Variants in PIP4K2A observed in about 807,000 individuals in gnomAD.
PIP4K2A encodes phosphatidylinositol 5-phosphate 4-kinase type-2 alpha.
Under a neutral mutation model 42.9 loss-of-function variants are expected in PIP4K2A, and 14 were observed. The ratio of observed to expected loss-of-function variants is 0.33; its 90% CI spans 0.22 to 0.51. PIP4K2A has a LOEUF of 0.51. PIP4K2A is among the 20% of genes least tolerant of loss of function. The pLI is 0.97. For synonymous variants in PIP4K2A, 192 were observed against 192.2 expected (o/e 1.00, Z 0.01); for missense variants, 434 against 519.8 (o/e 0.83, Z 1.61).
In PIP4K2A at chr10:22,583,359, A is replaced by C. The variant is rs80179518; in HGVS notation, c.492+8270T>G. Among the ~76,000 whole-genome samples, 518 of 152,256 alleles carry C rather than the reference A, an allele frequency of 3.4e-3. 6 individuals are homozygous for C. The highest frequency in any genetic ancestry group is 0.012 in the African/African-American group (482 of 41,542). On this transcript the variant is annotated intron_variant, in intron 4 of 9. Transcript: ENST00000376573. ...TTCCAGAATGGCCCCTGTACCCCAC[A>C]CACAATGGGGAGCTGGGGCCTGAGT...
intron 7 of PIP4K2A, among the ~76,000 whole-genome samples, chr10:22,547,066 A>G (rs1254260526): frequency 6.6e-6 from 1 of 152,160 alleles, no homozygotes; most frequent in East Asian, 1.9e-4. Flanking sequence ...GCTGTGACAA[A>G]TCTTTGAGCT....
chr10:22,632,427 G>C (rs1388076218), intron 1 of PIP4K2A, among the ~76,000 whole-genome samples: 1 of 152,156 alleles, frequency 6.6e-6, no homozygotes, highest in African/African-American at 2.4e-5. Flanking sequence ...GGTATTTTTA[G>C]TATAGTATGT....
chr10:22,554,237 T>G (rs1372358109), intron 6 of PIP4K2A, among the ~76,000 whole-genome samples: 1 of 152,192 alleles, frequency 6.6e-6, no homozygotes, highest in African/African-American at 2.4e-5. Context: ...TAAAAGAAAT[T>G]TCAATATATC....
At chr10:22,617,424 A>C (rs923496080) in intron 1 of PIP4K2A, among the ~76,000 whole-genome samples, 1 of 152,386 alleles carries the variant, frequency 6.6e-6, no homozygotes, top group Non-Finnish European at 1.5e-5. Flanking sequence ...TTTTAAGTCA[A>C]GCAAAGAATA....
At position 22,586,677 on chromosome 10, in the gene PIP4K2A, C is replaced by T. The variant is rs556820008; in HGVS notation, c.492+4952G>A. On this transcript the variant is annotated intron_variant, in intron 4 of 9. Transcript: ENST00000376573. ...TCCCGAGTAGCTGGGACTACAGGCA[C>T]GTGCCATCATGCCTGGCTAATTTTT... Among the ~76,000 whole-genome samples the T allele has an allele frequency of 2.0e-4, 30 of 152,162 alleles. 1 individual carries two copies. Among genetic ancestry groups the T allele is most frequent in the African/African-American group, 6.5e-4 (27 of 41,518 alleles).
At chr10:22,622,713 G>C (rs1838357958) in intron 1 of PIP4K2A, among the ~76,000 whole-genome samples, 1 of 152,174 alleles carries the variant, frequency 6.6e-6, no homozygotes, top group Non-Finnish European at 1.5e-5. Context: ...TCTAAAACCT[G>C]ACTGGAGAGC....
chr10:22,564,481 C>T (rs1054901326), intron 6 of PIP4K2A, among the ~76,000 whole-genome samples: 28 of 152,310 alleles, frequency 1.8e-4, no homozygotes, highest in African/African-American at 5.5e-4. Context: ...GCCTGTCGTA[C>T]GATGCTGAAG....
chr10:22,586,487 G>T (rs770892116), intron 4 of PIP4K2A, among the ~76,000 whole-genome samples: 4 of 152,180 alleles, frequency 2.6e-5, no homozygotes, highest in Admixed American at 6.5e-5. Context: ...TTAAATACAA[G>T]AACGATATTT....
At chr10:22,576,126 G>A (rs930626676) in intron 4 of PIP4K2A, among the ~76,000 whole-genome samples, 1 of 152,112 alleles carries the variant, frequency 6.6e-6, no homozygotes, top group Non-Finnish European at 1.5e-5. Context: ...CTGCCAAGCT[G>A]CAGGTGATAT....
chr10:22,571,351 T>C (rs1451412227), intron 5 of PIP4K2A, among the ~76,000 whole-genome samples: 1 of 152,204 alleles, frequency 6.6e-6, no homozygotes, highest in Non-Finnish European at 1.5e-5. Flanking sequence ...TGGCCAGTGA[T>C]AAAATTTGAG....
intron 7 of PIP4K2A, among the ~76,000 whole-genome samples, chr10:22,542,312 T>TGGCTGGATTTTACCAGATAGCAA (rs6143823): frequency 0.68 from 103,326 of 151,652 alleles, 35,759 homozygotes; most frequent in African/African-American, 0.79. Flanking sequence ...TATCACAGGG[T>TGGCTGGATTTTACCAGATAGCAA]GGCTGGATTT....
At chr10:22,696,968 T>C (rs1839984342) in intron 1 of PIP4K2A, among the ~76,000 whole-genome samples, 1 of 152,284 alleles carries the variant, frequency 6.6e-6, no homozygotes, top group South Asian at 2.1e-4. Context: ...CTCCTGAAAA[T>C]TGGCAACTGT....
rs1020983877 is a variant in PIP4K2A at position 22,535,215 on chromosome 10, G to A, written c.*1986C>T. The A allele has an allele frequency of 1.3e-5, 2 of 152,112 alleles. No homozygotes were observed. Among genetic ancestry groups the A allele is most frequent in the Admixed American group, 6.5e-5 (1 of 15,276 alleles). 9.4% of individuals were successfully genotyped at this position (152,112 alleles called of 1,614,324 possible). On this transcript the variant is annotated 3_prime_UTR_variant, in exon 10 of 10. Coordinates refer to ENST00000376573, the MANE Select transcript of PIP4K2A (RefSeq NM_005028.5). ...TATGTGTACCTTATCTTTACTTCAG[G>A]GTCTCATGGTTGTGGTCTTGGGTCA...
chr10:22,675,579 G>A (rs905778705), intron 1 of PIP4K2A, among the ~76,000 whole-genome samples: 20 of 152,208 alleles, frequency 1.3e-4, no homozygotes, highest in African/African-American at 4.3e-4. Flanking sequence ...AACAGAGTGA[G>A]ACTCCGTCTC....
Position 22,615,463 on chromosome 10 carries a change from T to C in PIP4K2A, c.145-5746A>G, listed in dbSNP as rs570114151. On this transcript the variant is annotated intron_variant, in intron 1 of 9. Coordinates refer to ENST00000376573, the MANE Select transcript of PIP4K2A (RefSeq NM_005028.5). ...ATATTGGGAACACGCACACATATAGTTCTATCTATATGTTACATAATGTTC... is the reference window on the plus strand; with the variant it reads ...ATATTGGGAACACGCACACATATAGCTCTATCTATATGTTACATAATGTTC... 5.2e-4 allele frequency among the ~76,000 whole-genome samples: 79 copies of C among 152,324 alleles called. No homozygotes were observed. The South Asian group carries it at 8.1e-3, about 16-fold the overall frequency.
At chr10:22,626,302 A>G (rs952939806) in intron 1 of PIP4K2A, among the ~76,000 whole-genome samples, 11 of 152,332 alleles carry the variant, frequency 7.2e-5, no homozygotes, top group African/African-American at 2.6e-4. Flanking sequence ...CTTTTCTCAT[A>G]TACTGAATTA....
At chr10:22,684,451 C>A (rs1839722041) in intron 1 of PIP4K2A, among the ~76,000 whole-genome samples, 1 of 152,116 alleles carries the variant, frequency 6.6e-6, no homozygotes, top group Non-Finnish European at 1.5e-5. Context: ...TGTGTTTTAT[C>A]ATTATTCTTT....
At position 22,540,107 on chromosome 10, in the gene PIP4K2A, A is replaced by G. The variant is rs1366518276; in HGVS notation, c.1037-33T>C. ...GACAGGAGAGCAATGACTGTGGGAC[A>G]TGTGACAACACCAGTGCCAGCATTG... On this transcript the variant is annotated intron_variant, in intron 8 of 9. Coordinates refer to ENST00000376573, the MANE Select transcript of PIP4K2A (RefSeq NM_005028.5). 3 of 697,088 alleles carry G rather than the reference A, an allele frequency of 4.3e-6. No individual in the cohort carries two copies. In the African/African-American group the frequency reaches 5.5e-5, roughly 13 times the overall value. 43.2% of individuals were successfully genotyped at this position (697,088 alleles called of 1,614,324 possible).
chr10:22,618,253 G>A (rs868746634), intron 1 of PIP4K2A, among the ~76,000 whole-genome samples: 2 of 152,064 alleles, frequency 1.3e-5, no homozygotes, highest in African/African-American at 4.8e-5. Context: ...CCACTTACTG[G>A]ACTCATCCTA....
Sources: allele counts gnomAD v4.1 joint callset (sites outside exome capture counted in the v4.1 genomes callset), GRCh38; gene constraint gnomAD v4.1.1; transcripts MANE v1.5; gene names NCBI Gene and HGNC (gene_info 2026-07-23, HGNC 2026-07-21).